Variants in PCDHGA1 observed in about 807,000 individuals in gnomAD.
PCDHGA1 encodes protocadherin gamma subfamily A, 1.
PCDHGA1 carries 32 observed loss-of-function variants against 58.0 expected under a neutral mutation model. The observed-to-expected ratio is 0.55, with a 90% CI of 0.42 to 0.74. The LOEUF (loss-of-function observed/expected upper bound fraction) is 0.74, where lower values mean the gene tolerates loss of function less well. PCDHGA1 is among the 30% of genes least tolerant of loss of function. The pLI, the probability that PCDHGA1 is intolerant of heterozygous loss-of-function variation, is 0.00. For synonymous variants in PCDHGA1, 498 were observed against 501.1 expected, an observed-to-expected ratio of 0.99 and a Z score of 0.08; for missense variants, 1,205 against 1,182.3, an observed-to-expected ratio of 1.02 and a Z score of -0.28.
At chr5:141,371,581 A>G (rs764497164) in intron 1 of PCDHGA1, 3 of 1,613,936 alleles carry the variant, frequency 1.9e-6, no homozygotes, top group East Asian at 2.2e-5. Context: ...AAAATCGTTC[A>G]AGATACCAAA....
Position 141,383,322 on chromosome 5 carries a change from A to G in PCDHGA1, c.2421+50217A>G, listed in dbSNP as rs369432251. 6.8e-6 allele frequency: 11 copies of G among 1,613,876 alleles called. No homozygotes were observed. The African/African-American group carries it at 1.3e-4, about 20-fold the overall frequency. ...TCTTGACGGAAGAAATAAATGTAAA[A>G]ATAATGGAGAATACAGCTCCTGGGG... is the stretch of plus-strand genomic sequence containing the variant. On this transcript the variant is annotated intron_variant, in intron 1 of 3. Coordinates refer to ENST00000517417, the MANE Select transcript of PCDHGA1 (RefSeq NM_018912.3).
chr5:141,449,569 A>G (rs1340921687), intron 1 of PCDHGA1, among the ~76,000 whole-genome samples: 2 of 148,390 alleles, frequency 1.3e-5, no homozygotes, highest in East Asian at 3.9e-4. Flanking sequence ...AGCCTGGGCG[A>G]CAGAGCAAGA....
chr5:141,364,427 T>A, intron 1 of PCDHGA1: 1 of 1,613,768 alleles, frequency 6.2e-7, no homozygotes, highest in Non-Finnish European at 8.5e-7. Flanking sequence ...GCAGATCCGC[T>A]ACTCGATGCC....
intron 1 of PCDHGA1, chr5:141,346,607 T>C (rs1757776639): frequency 8.4e-7 from 1 of 1,185,344 alleles, no homozygotes; most frequent in South Asian, 1.6e-5. Flanking sequence ...TCTGGGCCTA[T>C]AGTAGGACTG....
intron 1 of PCDHGA1, chr5:141,427,612 T>G (rs975527074): frequency 2.9e-6 from 2 of 691,298 alleles, no homozygotes; most frequent in African/African-American, 1.8e-5. Flanking sequence ...ATTGGTGAAG[T>G]CAACGACAAT....
At chr5:141,395,131 C>T in intron 1 of PCDHGA1, 1 of 1,614,202 alleles carries the variant, frequency 6.2e-7, no homozygotes, top group Non-Finnish European at 8.5e-7. Flanking sequence ...TTTCCCCAGC[C>T]CAACTACGCA....
chr5:141,439,171 C>T (rs948650584), intron 1 of PCDHGA1, among the ~76,000 whole-genome samples: 3 of 146,478 alleles, frequency 2.0e-5, no homozygotes, highest in Non-Finnish European at 3.0e-5. Context: ...CCAGCCTGGG[C>T]GACATAGTGA....
rs376661062 is a variant in PCDHGA1, at chr5:141,432,185, G to T, written c.2422-62622G>T. 6.2e-6 allele frequency: 10 copies of T among 1,613,956 alleles called. No individual in the cohort carries two copies. The highest frequency in any genetic ancestry group is 8.5e-6 in the Non-Finnish European group (10 of 1,180,030). ...AGGAGTTTCCCTCGTCTCTGTGACC[G>T]CCCACGACCCCGACTGTGAAGAGAA... On this transcript the variant is annotated intron_variant, in intron 1 of 3. Coordinates refer to ENST00000517417, the MANE Select transcript of PCDHGA1 (RefSeq NM_018912.3). The surrounding 1 kb of genome is among the most constrained non-coding windows in gnomAD (Gnocchi z 6.0).
At chr5:141,467,117 A>G (rs62379198) in intron 1 of PCDHGA1, among the ~76,000 whole-genome samples, 35,587 of 150,646 alleles carry the variant, frequency 0.24, 4,364 homozygotes, top group Admixed American at 0.32. Flanking sequence ...CAATGGTGCA[A>G]TCTCAGCTCA....
At position 141,476,105 on chromosome 5, in the gene PCDHGA1, C is replaced by T; in HGVS notation, c.2422-18702C>T. ...ATCTGGACCCCGCTGAGAGGAACTG[C>T]TTTTGAGTGAGATGGTCCCAGAGGC... On this transcript the variant is annotated intron_variant, in intron 1 of 3. Coordinates refer to ENST00000517417, the MANE Select transcript of PCDHGA1 (RefSeq NM_018912.3). This position sits in a 1 kb window ranked among gnomAD's most constrained non-coding sequence, Gnocchi z 7.6. 2.5e-6 allele frequency: 4 copies of T among 1,585,450 alleles called. No homozygotes were observed. The highest frequency in any genetic ancestry group is 3.4e-6 in the Non-Finnish European group (4 of 1,168,874).
At chr5:141,427,970 C>G in intron 1 of PCDHGA1, 1 of 1,592,510 alleles carries the variant, frequency 6.3e-7, no homozygotes. Context: ...GGGTGCTGTA[C>G]CCCGCGCTGG....
At chr5:141,451,365 G>A (rs557753113) in intron 1 of PCDHGA1, among the ~76,000 whole-genome samples, 2 of 152,234 alleles carry the variant, frequency 1.3e-5, no homozygotes, top group South Asian at 4.1e-4. Context: ...GGATGGATCC[G>A]CTTCTAATCT....
In PCDHGA1 at chr5:141,486,675, A is replaced by T; in HGVS notation, c.2422-8132A>T. On this transcript the variant is annotated intron_variant, in intron 1 of 3. Coordinates refer to ENST00000517417, the MANE Select transcript of PCDHGA1 (RefSeq NM_018912.3). The surrounding 1 kb of genome is among the most constrained non-coding windows in gnomAD (Gnocchi z 5.0). ...TCACTCCTGGAGCCCAGGAATCGAGATGTATCAGCTTCCTCTTTCATCTCT... is the reference window on the plus strand; with the variant it reads ...TCACTCCTGGAGCCCAGGAATCGAGTTGTATCAGCTTCCTCTTTCATCTCT... The T allele has an allele frequency of 6.2e-7, 1 of 1,614,056 alleles. No individual in the cohort carries two copies. The highest frequency in any genetic ancestry group is 8.5e-7 in the Non-Finnish European group (1 of 1,180,016).
At position 141,477,130 on chromosome 5, in the gene PCDHGA1, G is replaced by C; in HGVS notation, c.2422-17677G>C. On this transcript the variant is annotated intron_variant, in intron 1 of 3. Coordinates refer to ENST00000517417, the MANE Select transcript of PCDHGA1 (RefSeq NM_018912.3). The surrounding 1 kb of genome is among the most constrained non-coding windows in gnomAD (Gnocchi z 4.9). ...ATCCCGAAGGAGCACATTGCAAAGT[G>C]TTGGTGGAGGTTGTGGATGTGAATG... 6.2e-7 allele frequency: 1 copy of C among 1,614,252 alleles called. No individual in the cohort carries two copies. The highest frequency in any genetic ancestry group is 2.2e-5 in the East Asian group (1 of 44,888).
At chr5:141,355,415 C>T (rs753835027) in intron 1 of PCDHGA1, 9 of 1,613,978 alleles carry the variant, frequency 5.6e-6, no homozygotes, top group African/African-American at 2.7e-5. Flanking sequence ...AGAGGTAGGA[C>T]GCAGCTTTTC....
intron 1 of PCDHGA1, among the ~76,000 whole-genome samples, chr5:141,337,198 G>C (rs1326163716): frequency 6.6e-6 from 1 of 152,202 alleles, no homozygotes; most frequent in Non-Finnish European, 1.5e-5. Flanking sequence ...CACAACTGCT[G>C]TGGAAAATGG....
intron 1 of PCDHGA1, chr5:141,403,609 G>A (rs1434656385): frequency 6.2e-7 from 1 of 1,613,870 alleles, no homozygotes; most frequent in South Asian, 1.1e-5. Flanking sequence ...ATGGCGGCGA[G>A]CCGCGTCGCT....
At chr5:141,422,281 T>C in intron 1 of PCDHGA1, 1 of 1,557,044 alleles carries the variant, frequency 6.4e-7, no homozygotes, top group Middle Eastern at 1.7e-4. Context: ...AACTATCACC[T>C]CTTCTATTAA....
At chr5:141,365,947 C>A (rs752957428) in intron 1 of PCDHGA1, 1 of 1,613,770 alleles carries the variant, frequency 6.2e-7, no homozygotes, top group East Asian at 2.2e-5. Flanking sequence ...ACAGTGGGAA[C>A]CCTCCACTTA....
Sources: allele counts gnomAD v4.1 joint callset (sites outside exome capture counted in the v4.1 genomes callset), GRCh38; gene constraint gnomAD v4.1.1; non-coding constraint Gnocchi (gnomAD v3.1); transcripts MANE v1.5; gene names NCBI Gene and HGNC (gene_info 2026-07-23, HGNC 2026-07-21).